The following PCDHA3 variants were observed in gnomAD, a reference collection of about 807,000 sequenced individuals.
The protein encoded by PCDHA3 is protocadherin alpha 3, also known as protocadherin alpha-3.
A neutral mutation model predicts 62.2 loss-of-function variants in PCDHA3; 41 were observed. That is an observed-to-expected ratio of 0.66 (90% CI 0.51 to 0.86). The LOEUF (loss-of-function observed/expected upper bound fraction) is 0.86, where lower values mean the gene tolerates loss of function less well. PCDHA3 is among the 40% of genes least tolerant of loss of function. The pLI, the probability that PCDHA3 is intolerant of heterozygous loss-of-function variation, is 0.00. For missense variants in PCDHA3, 1,304 were observed against 1,241.2 expected (o/e 1.05, Z -0.76); for synonymous variants, 640 against 555.4 (o/e 1.15, Z -2.14).
rs192086826 is a variant in PCDHA3, at chr5:140,981,520, G to C, written c.2454-955G>C. ...ACCTGGGAGGCAGAGGTTGCAGTGA[G>C]CTGAGATCGTGCCACTGTACTCCAG... On this transcript the variant is annotated intron_variant, in intron 2 of 3. Coordinates refer to ENST00000522353, the MANE Select transcript of PCDHA3 (RefSeq NM_018906.3). Among the ~76,000 whole-genome samples the C allele has an allele frequency of 3.3e-5, 5 of 152,342 alleles. No homozygotes were observed. The East Asian group carries it at 9.6e-4, about 29-fold the overall frequency.
At chr5:140,808,654 G>A in intron 1 of PCDHA3, 1 of 1,613,224 alleles carries the variant, frequency 6.2e-7, no homozygotes, top group Non-Finnish European at 8.5e-7. Flanking sequence ...AGAACGCGCT[G>A]GTGTCCTACT....
At position 140,828,141 on chromosome 5, in the gene PCDHA3, C is replaced by T. The variant is rs2150151318; in HGVS notation, c.2394+24550C>T. 8.7e-6 allele frequency: 14 copies of T among 1,613,956 alleles called. No individual in the cohort carries two copies. In the South Asian group the frequency reaches 1.4e-4, roughly 16 times the overall value. On this transcript the variant is annotated intron_variant, in intron 1 of 3. Coordinates refer to ENST00000522353, the MANE Select transcript of PCDHA3 (RefSeq NM_018906.3). ...TTGGGAAAGCAATGTCTGCTCCTCC[C>T]GCTTCTGCTCCTCGCAGCCTGGAAG...
intron 1 of PCDHA3, chr5:140,856,708 A>G: frequency 6.3e-7 from 1 of 1,596,690 alleles, no homozygotes; most frequent in South Asian, 1.1e-5. Context: ...GCAAACCTGA[A>G]TTTACCGGAT....
chr5:140,836,921 G>T (rs917250173), intron 1 of PCDHA3: 1 of 539,944 alleles, frequency 1.9e-6, no homozygotes. Context: ...TTTGTTTTGG[G>T]ATGCGTAATA....
chr5:140,828,898 G>A, intron 1 of PCDHA3: 1 of 1,614,210 alleles, frequency 6.2e-7, no homozygotes, highest in Non-Finnish European at 8.5e-7. Flanking sequence ...CTTCTGATCG[G>A]GATGAAGGAG....
At chr5:140,976,298 C>A (rs2096709941) in intron 1 of PCDHA3, among the ~76,000 whole-genome samples, 1 of 152,036 alleles carries the variant, frequency 6.6e-6, no homozygotes, top group African/African-American at 2.4e-5. Context: ...AGCCTGTAAT[C>A]CCAGCACTTT....
At chr5:140,814,442 C>A (rs985107425) in intron 1 of PCDHA3, 1 of 148,282 alleles carries the variant, frequency 6.7e-6, no homozygotes, top group East Asian at 1.9e-4. Flanking sequence ...TTGTGGTGAC[C>A]TTTTTTCTTT....
At position 140,967,211 on chromosome 5, in the gene PCDHA3, C is replaced by T. The variant is rs549238768; in HGVS notation, c.2395-11738C>T. On this transcript the variant is annotated intron_variant, in intron 1 of 3. Transcript: ENST00000522353. ...CATCAACGACAACTCACCGCGTTTC[C>T]CGCGGCCCAACTACCAGCTTCAGGT... 1.1e-5 allele frequency: 18 copies of T among 1,613,676 alleles called. No individual in the cohort carries two copies. The East Asian group carries it at 3.3e-4, about 30-fold the overall frequency.
At chr5:140,823,590 G>A in intron 1 of PCDHA3, 6 of 1,614,004 alleles carry the variant, frequency 3.7e-6, no homozygotes, top group Non-Finnish European at 5.1e-6. Context: ...ACAACGCTTG[G>A]CTTTCGTATG....
At chr5:140,891,888 T>C (rs1562860973) in intron 1 of PCDHA3, among the ~76,000 whole-genome samples, 1 of 152,212 alleles carries the variant, frequency 6.6e-6, no homozygotes, top group Non-Finnish European at 1.5e-5. Context: ...CATGTGACGA[T>C]GCAGCAAGAA....
At chr5:140,895,137 G>A (rs1184479322) in intron 1 of PCDHA3, among the ~76,000 whole-genome samples, 2 of 152,072 alleles carry the variant, frequency 1.3e-5, no homozygotes, top group Non-Finnish European at 2.9e-5. Context: ...CAAGTTCATA[G>A]GGCTAAGACA....
At position 140,824,400 on chromosome 5, in the gene PCDHA3, T is replaced by C. The variant is rs1554129880; in HGVS notation, c.2394+20809T>C. The C allele has an allele frequency of 7.3e-6, 4 of 544,444 alleles. No homozygotes were observed. The African/African-American group carries it at 7.7e-5, about 10-fold the overall frequency. The allele number at this position is 544,444 out of a possible 1,614,324, so 33.7% of individuals were successfully genotyped here. On this transcript the variant is annotated intron_variant, in intron 1 of 3. Transcript: ENST00000522353. ...CATCTCTAAAAATGTAGGATAATAA[T>C]TGTAAGACATAGTTTGGAGTCATTC...
At chr5:140,842,510 C>T in intron 1 of PCDHA3, 1 of 1,613,738 alleles carries the variant, frequency 6.2e-7, no homozygotes. Flanking sequence ...CCCCTTCAAG[C>T]TGGTGTCCAC....
chr5:140,953,553 C>T (rs1364050066), intron 1 of PCDHA3, among the ~76,000 whole-genome samples: 1 of 152,060 alleles, frequency 6.6e-6, no homozygotes, highest in East Asian at 1.9e-4. Flanking sequence ...TTCTTTTCTC[C>T]AAGTTTTAGT....
chr5:140,808,373 A>G (rs1481118058), intron 1 of PCDHA3: 3 of 1,614,030 alleles, frequency 1.9e-6, no homozygotes, highest in Admixed American at 1.7e-5. Context: ...CGTCCCCTTC[A>G]AGCTGGTGTC....
rs782772973 is a variant in PCDHA3, at chr5:140,855,915, T to C, written c.2394+52324T>C. 2.5e-5 allele frequency: 30 copies of C among 1,191,312 alleles called. 2 individuals are homozygous for C. Among genetic ancestry groups the C allele is most frequent in the Non-Finnish European group, 3.1e-5 (26 of 850,126 alleles). 73.8% of individuals were successfully genotyped at this position (1,191,312 alleles called of 1,614,324 possible). A position where few individuals can be genotyped will look rare whatever the true frequency, so the allele number is the denominator to read the frequency against. On this transcript the variant is annotated intron_variant, in intron 1 of 3. Coordinates refer to ENST00000522353, the MANE Select transcript of PCDHA3 (RefSeq NM_018906.3). The stretch of plus-strand genomic sequence containing the variant: ...AGGCATCAGCCAGTTTCTCAAGGAC[T>C]AGGAAGTAGCGTCATTCTGAGATCT...
At chr5:140,876,174 T>G (rs957879450) in intron 1 of PCDHA3, 2 of 1,613,816 alleles carry the variant, frequency 1.2e-6, no homozygotes, top group African/African-American at 2.7e-5. Flanking sequence ...CCGTCCTGGA[T>G]GTGAATGACA....
chr5:140,829,371 CG>C (rs1770257793), intron 1 of PCDHA3: 9 of 1,614,198 alleles, frequency 5.6e-6, no homozygotes, highest in Non-Finnish European at 6.8e-6. Flanking sequence ...GTGGTAACCG[CG>C]CGGGACGGGG....
chr5:140,870,902 C>G (rs2052520790), intron 1 of PCDHA3: 1 of 1,613,846 alleles, frequency 6.2e-7, no homozygotes. Flanking sequence ...GATGCGGACT[C>G]AGGCTACAAC....
Sources: allele counts gnomAD v4.1 joint callset (sites outside exome capture counted in the v4.1 genomes callset), GRCh38; gene constraint gnomAD v4.1.1; transcripts MANE v1.5; gene names NCBI Gene and HGNC (gene_info 2026-07-23, HGNC 2026-07-21).